Variants in FLACC1 observed in about 807,000 individuals in gnomAD.
FLACC1 encodes flagellum associated containing coiled-coil domains 1.
Under a neutral mutation model 62.8 loss-of-function variants are expected in FLACC1, and 66 were observed. The ratio of observed to expected loss-of-function variants is 1.05; its 90% CI spans 0.86 to 1.29. The LOEUF (loss-of-function observed/expected upper bound fraction) is 1.29, where lower values mean the gene tolerates loss of function less well. Among genes scored for constraint, FLACC1 ranks in the 50% most tolerant of loss-of-function variants. The pLI, the probability that FLACC1 is intolerant of heterozygous loss-of-function variation, is 0.00. For missense variants in FLACC1, 452 were observed against 489.1 expected (o/e 0.92, Z 0.71); for synonymous variants, 156 against 161.0 (o/e 0.97, Z 0.24).
In FLACC1 at chr2:201,296,304, C is replaced by T. The variant is rs1352092211; in HGVS notation, c.942+2934G>A. ...TAGACTGGATTAAGAAAATGTGGCA[C>T]ATATATACCATGGAATACTATGCAG... On this transcript the variant is annotated intron_variant, in intron 12 of 14. Transcript: ENST00000392257. 5.3e-5 allele frequency among the ~76,000 whole-genome samples: 8 copies of T among 152,030 alleles called. No homozygotes were observed. In the East Asian group the frequency reaches 1.4e-3, roughly 26 times the overall value.
chr2:201,312,113 C>T (rs575237146), intron 9 of FLACC1, among the ~76,000 whole-genome samples: 218 of 152,192 alleles, frequency 1.4e-3, no homozygotes, highest in Admixed American at 3.5e-3. Context: ...TAAAAGGCAT[C>T]CAAATAGGAA....
intron 9 of FLACC1, among the ~76,000 whole-genome samples, chr2:201,325,096 C>T (rs554093578): frequency 4.6e-5 from 7 of 151,930 alleles, no homozygotes; most frequent in African/African-American, 7.3e-5. Flanking sequence ...ATAGTGCCAC[C>T]GCACTCCAGC....
At chr2:201,361,165 A>G (rs1013559767), upstream of FLACC1, among the ~76,000 whole-genome samples, 2 of 152,198 alleles carry the variant, frequency 1.3e-5, no homozygotes, top group Non-Finnish European at 2.9e-5. Flanking sequence ...CCATAACCCT[A>G]AAGATTCACT....
intron 9 of FLACC1, 68 bp downstream of exon 9, chr2:201,330,402 T>A (rs1950568438): frequency 1.4e-6 from 2 of 1,455,276 alleles, no homozygotes; most frequent in East Asian, 4.6e-5. Flanking sequence ...AGCTCTAGAT[T>A]TATCCCAATG....
intron 11 of FLACC1, among the ~76,000 whole-genome samples, chr2:201,304,453 C>T (rs1447754563): frequency 6.6e-6 from 1 of 152,186 alleles, no homozygotes; most frequent in Non-Finnish European, 1.5e-5. Flanking sequence ...AATGGAAGAA[C>T]ATTCCATGCT....
intron 9 of FLACC1, among the ~76,000 whole-genome samples, chr2:201,320,041 C>A (rs1950374411): frequency 6.6e-6 from 1 of 152,210 alleles, no homozygotes. Flanking sequence ...AAAGCCCTAA[C>A]CCTATGCAGC....
rs1192183637 is a variant in FLACC1 at position 201,311,551 on chromosome 2, G to GA, written c.676-2302dup. 2.0e-4 allele frequency among the ~76,000 whole-genome samples: 31 copies of GA among 151,694 alleles called. 3 individuals are homozygous for GA. The highest frequency in any genetic ancestry group is 2.0e-3 in the Admixed American group (31 of 15,196). On this transcript the variant is annotated intron_variant, in intron 9 of 14. Coordinates refer to ENST00000392257, the MANE Select transcript of FLACC1 (RefSeq NM_001127391.3). ...CATGATATGAGACCCCACATCTACA[G>GA]AAAAAATAAAAAATTAGCTAGGTGT...
intron 7 of FLACC1, 56 bp downstream of exon 7, chr2:201,342,314 G>C: frequency 6.4e-7 from 1 of 1,573,430 alleles, no homozygotes; most frequent in Non-Finnish European, 8.7e-7. Flanking sequence ...TCCTGCAAAG[G>C]ATGCGGGACC....
chr2:201,330,151 C>T (rs1950563255), intron 9 of FLACC1, among the ~76,000 whole-genome samples: 1 of 152,176 alleles, frequency 6.6e-6, no homozygotes, highest in South Asian at 2.1e-4. Flanking sequence ...GCAGTTCTAA[C>T]AAAGTACAAA....
At chr2:201,311,777 C>T (rs1422568320) in intron 9 of FLACC1, among the ~76,000 whole-genome samples, 2 of 151,054 alleles carry the variant, frequency 1.3e-5, no homozygotes, top group East Asian at 1.9e-4. Flanking sequence ...GTTCAACATA[C>T]GTGAATCCAT....
At chr2:201,347,428 C>A (rs183920109) in intron 4 of FLACC1, among the ~76,000 whole-genome samples, 3 of 152,332 alleles carry the variant, frequency 2.0e-5, no homozygotes, top group Non-Finnish European at 4.4e-5. Flanking sequence ...TTGCTCCCCC[C>A]ACAGTTCATC....
chr2:201,306,251 A>G (rs1950104699), intron 11 of FLACC1, among the ~76,000 whole-genome samples: 1 of 152,068 alleles, frequency 6.6e-6, no homozygotes, highest in South Asian at 2.1e-4. Flanking sequence ...GAGAAGGGGG[A>G]GGTGCTACAA....
At chr2:201,311,254 C>CA (rs1160171437) in intron 9 of FLACC1, among the ~76,000 whole-genome samples, 1 of 151,308 alleles carries the variant, frequency 6.6e-6, no homozygotes, top group East Asian at 1.9e-4. Context: ...GAAACTATTC[C>CA]AAAAAAATGA....
chr2:201,288,498 G>T lies in FLACC1; in HGVS notation c.*157C>A. ...AGTCCGTGATAAGCTGTGAAATTCAGATGCGAATTCAAACATTTTCAGACA... is the reference window on the plus strand; with the variant it reads ...AGTCCGTGATAAGCTGTGAAATTCATATGCGAATTCAAACATTTTCAGACA... On this transcript the variant is annotated 3_prime_UTR_variant, in exon 15 of 15. Coordinates refer to ENST00000392257, the MANE Select transcript of FLACC1 (RefSeq NM_001127391.3). 6 of 854,278 alleles carry T rather than the reference G, an allele frequency of 7.0e-6. No homozygotes were observed. Among genetic ancestry groups the T allele is most frequent in the Non-Finnish European group, 1.0e-5 (6 of 576,846 alleles). The allele number at this position is 854,278 out of a possible 1,614,324, so 52.9% of individuals were successfully genotyped here.
At chr2:201,341,299 T>A (rs1950803152) in intron 7 of FLACC1, among the ~76,000 whole-genome samples, 1 of 151,976 alleles carries the variant, frequency 6.6e-6, no homozygotes, top group Non-Finnish European at 1.5e-5. Flanking sequence ...AAAGGGGATG[T>A]AGGATTATCT....
intron 11 of FLACC1, among the ~76,000 whole-genome samples, chr2:201,307,158 C>T (rs540641093): frequency 4.6e-5 from 7 of 152,266 alleles, no homozygotes; most frequent in Middle Eastern, 3.4e-3. Flanking sequence ...CCTGCCCTAG[C>T]GCCCAGTAAT....
In FLACC1 at chr2:201,346,607, C is replaced by T; in HGVS notation, c.303G>A (p.Gly101=). The T allele has an allele frequency of 6.2e-7, 1 of 1,614,242 alleles. No homozygotes were observed. The highest frequency in any genetic ancestry group is 8.5e-7 in the Non-Finnish European group (1 of 1,180,046). The change falls in exon 5 of 15, where the codon GGG becomes GGA. Residue 101 remains glycine (G), a synonymous_variant. Coordinates refer to ENST00000392257, the MANE Select transcript of FLACC1 (RefSeq NM_001127391.3). The surrounding 1 kb of genome is among the most constrained non-coding windows in gnomAD (Gnocchi z 4.0). ...RNREQISVTL[G]DEMFDRKKRW... is the part of the protein sequence containing the mutation. ...GCTTTTTCCTATCAAACATCTCATC[C>T]CCTAAGGTGACAGAAATCTGTTCCC...
chr2:201,333,604 T>C (rs1327841936), intron 7 of FLACC1, among the ~76,000 whole-genome samples: 1 of 134,650 alleles, frequency 7.4e-6, no homozygotes, highest in Admixed American at 8.6e-5. Context: ...CCTTCCTGTG[T>C]CCATGTGTTC....
upstream of FLACC1, among the ~76,000 whole-genome samples, chr2:201,359,250 A>T (rs903255055): frequency 1.7e-4 from 26 of 152,190 alleles, no homozygotes; most frequent in Non-Finnish European, 4.4e-5. Context: ...TGGAGGGATA[A>T]ACAGGTTCTA....
Sources: allele counts gnomAD v4.1 joint callset (sites outside exome capture counted in the v4.1 genomes callset), GRCh38; gene constraint gnomAD v4.1.1; non-coding constraint Gnocchi (gnomAD v3.1); transcripts MANE v1.5; gene names NCBI Gene and HGNC (gene_info 2026-07-23, HGNC 2026-07-21).